SAMSN1: variants seen among roughly 807,000 people sequenced by gnomAD.
SAMSN1 encodes the protein SAM domain, SH3 domain and nuclear localization signals 1.
In SAMSN1, 31 loss-of-function variants were observed where a neutral mutation model predicts 42.0. The observed-to-expected ratio is 0.74, with a 90% CI of 0.55 to 1.00. SAMSN1 has a LOEUF of 1.00. SAMSN1 is among the 50% of genes least tolerant of loss of function. SAMSN1 has a pLI of 0.00. For synonymous variants in SAMSN1, 178 were observed against 151.9 expected (o/e 1.17, Z -1.26); for missense variants, 464 against 439.4 (o/e 1.06, Z -0.50).
chr21:14,518,219 C>T (rs1988004090), intron 2 of SAMSN1, among the ~76,000 whole-genome samples: 1 of 151,478 alleles, frequency 6.6e-6, no homozygotes, highest in Admixed American at 6.6e-5. Flanking sequence ...TCCACACTTC[C>T]ATACATCCTG....
intron 2 of SAMSN1, among the ~76,000 whole-genome samples, chr21:14,577,238 GTATATATA>G (rs767931839): frequency 1.1e-3 from 31 of 28,176 alleles, no homozygotes; most frequent in Middle Eastern, 0.028. Context: ...ATATATGTGT[GTATATATA>G]TATATATATA....
At chr21:14,508,857 T>C (rs1987544632) in intron 5 of SAMSN1, among the ~76,000 whole-genome samples, 2 of 152,178 alleles carry the variant, frequency 1.3e-5, no homozygotes, top group Admixed American at 1.3e-4. Flanking sequence ...AGGCTGGGCG[T>C]GGTGGCTCAT....
At position 14,631,158 on chromosome 21, in the gene SAMSN1, C is replaced by G. The variant is rs143578111; in HGVS notation, c.156+11844G>C. Among the ~76,000 whole-genome samples, 1,020 of 152,260 alleles carry G rather than the reference C, an allele frequency of 6.7e-3. 16 individuals carry two copies. The highest frequency in any genetic ancestry group is 0.023 in the African/African-American group (958 of 41,532). ...TTAACTCTATTTCTTCCTTTTTAAG[C>G]TAAGCTTAAATCTCATGTTCTCCAT... On this transcript the variant is annotated intron_variant, in intron 2 of 15. Transcript: ENST00000647101.
rs17003756 is a variant in SAMSN1, at chr21:14,602,055, G to C, written c.367C>G (p.Gln123Glu). Residue 123 changes from glutamine (Q) to glutamate (E), a missense_variant, in exon 6 of 16, where the codon CAA (glutamine) becomes GAA (glutamate). Physicochemically the swap from Gln to Glu is conservative, Grantham distance 29. Transcript: ENST00000647101. ...GAAGTTCCTTGTAGAGTTTTTCCTT[G>C]ATAGGTATGTATGTTGTTACTTAGA... is the stretch of plus-strand genomic sequence containing the variant. The C allele has an allele frequency of 2.8e-3, 1,971 of 693,638 alleles. 34 individuals carry two copies. In the African/African-American group the frequency reaches 0.032, roughly 11 times the overall value. 43.0% of individuals were successfully genotyped at this position (693,638 alleles called of 1,614,324 possible).
intron 2 of SAMSN1, among the ~76,000 whole-genome samples, chr21:14,634,201 T>TA (rs34278366): frequency 0.73 from 110,607 of 151,156 alleles, 41,926 homozygotes; most frequent in Middle Eastern, 0.87. Context: ...CCCAAAACTA[T>TA]AAAAAAAACC....
chr21:14,652,693 G>A (rs1374164734), intron 1 of SAMSN1, among the ~76,000 whole-genome samples: 4 of 151,702 alleles, frequency 2.6e-5, no homozygotes, highest in Non-Finnish European at 3.0e-5. Context: ...AAATCGTCTC[G>A]TATGTTGAAA....
intron 2 of SAMSN1, among the ~76,000 whole-genome samples, chr21:14,581,513 CA>C (rs1568818333): frequency 6.6e-6 from 1 of 150,808 alleles, no homozygotes; most frequent in Non-Finnish European, 1.5e-5. Flanking sequence ...TGCCCGCCAC[CA>C]CGCCCGGCTA....
chr21:14,583,413 T>A (rs1224295996), upstream of SAMSN1: 3 of 439,874 alleles, frequency 6.8e-6, no homozygotes, highest in Non-Finnish European at 1.2e-5. Flanking sequence ...TCCATTGCTC[T>A]CTCTCACTGT....
At chr21:14,585,432 C>G (rs1420530006), upstream of SAMSN1, 1 of 152,164 alleles carries the variant, frequency 6.6e-6, no homozygotes, top group African/African-American at 2.4e-5. Flanking sequence ...GTGAAAAAGG[C>G]TTTCACTTAA....
chr21:14,637,348 T>C (rs1178075828), intron 2 of SAMSN1, among the ~76,000 whole-genome samples: 1 of 152,252 alleles, frequency 6.6e-6, no homozygotes, highest in African/African-American at 2.4e-5. Context: ...AATTTTATAC[T>C]GATTACATGT....
At chr21:14,560,536 G>T (rs1980912068) in intron 2 of SAMSN1, among the ~76,000 whole-genome samples, 1 of 152,132 alleles carries the variant, frequency 6.6e-6, no homozygotes, top group African/African-American at 2.4e-5. Context: ...TAACATTTTG[G>T]ACCAAACTGA....
intron 1 of SAMSN1, among the ~76,000 whole-genome samples, chr21:14,521,669 G>C (rs754617356): frequency 2.6e-5 from 4 of 151,922 alleles, no homozygotes; most frequent in African/African-American, 9.7e-5. Context: ...CCACCATTAC[G>C]CCTCACAAAG....
chr21:14,646,330 T>TTA (rs1212550376), intron 1 of SAMSN1, among the ~76,000 whole-genome samples: 1 of 152,144 alleles, frequency 6.6e-6, no homozygotes, highest in Non-Finnish European at 1.5e-5. Flanking sequence ...GACTTTTCAG[T>TTA]GGAAACCTTA....
intron 2 of SAMSN1, among the ~76,000 whole-genome samples, chr21:14,632,406 C>T (rs1459104824): frequency 1.1e-4 from 17 of 151,512 alleles, no homozygotes; most frequent in Non-Finnish European, 7.4e-5. Flanking sequence ...ATTTTAGTTC[C>T]CGTATTAGTT....
chr21:14,537,897 G>A lies in SAMSN1; in HGVS notation c.57+8308C>T, dbSNP rs537211715. Among the ~76,000 whole-genome samples the A allele has an allele frequency of 9.9e-5, 15 of 152,258 alleles. No homozygotes were observed. The South Asian group carries it at 1.7e-3, about 17-fold the overall frequency. ...TGGCTAACAAGCTCCTGGAATGCCC[G>A]TGCTGTTGCTCTATAGGACCACAGT... On this transcript the variant is annotated intron_variant, in intron 1 of 7. Transcript: ENST00000400566.
chr21:14,555,076 A>G (rs1422827829), intron 2 of SAMSN1, among the ~76,000 whole-genome samples: 2 of 152,186 alleles, frequency 1.3e-5, no homozygotes, highest in Non-Finnish European at 2.9e-5. Flanking sequence ...GTCTGCAGAT[A>G]CTAACCTTTC....
rs574251120 is a variant in SAMSN1, at chr21:14,491,477, A to C, written c.920-5363T>G. 3.3e-5 allele frequency among the ~76,000 whole-genome samples: 5 copies of C among 152,322 alleles called. No homozygotes were observed. The East Asian group carries it at 9.6e-4, about 29-fold the overall frequency. On this transcript the variant is annotated intron_variant, in intron 7 of 7. Coordinates refer to ENST00000400566, the MANE Select transcript of SAMSN1 (RefSeq NM_022136.5). ...AAAGCTACCTTCCCTCTACCAGAAGAAAAGTATCATTCTTATCATCAAGGA... is the reference window on the plus strand; with the variant it reads ...AAAGCTACCTTCCCTCTACCAGAAGCAAAGTATCATTCTTATCATCAAGGA...
intron 1 of SAMSN1, among the ~76,000 whole-genome samples, chr21:14,645,475 G>A (rs1983696004): frequency 1.3e-5 from 2 of 152,236 alleles, no homozygotes; most frequent in Non-Finnish European, 2.9e-5. Flanking sequence ...ATCCCCTAAA[G>A]CAGATACAGC....
chr21:14,525,094 A>G (rs1036916919), intron 1 of SAMSN1, among the ~76,000 whole-genome samples: 1 of 152,220 alleles, frequency 6.6e-6, no homozygotes, highest in Admixed American at 6.5e-5. Flanking sequence ...ACTTCAGCTA[A>G]TCAATTAAAA....
Sources: allele counts gnomAD v4.1 joint callset (sites outside exome capture counted in the v4.1 genomes callset), GRCh38; gene constraint gnomAD v4.1.1; transcripts MANE v1.5; gene names NCBI Gene and HGNC (gene_info 2026-07-23, HGNC 2026-07-21).